The following EPB41L4A variants were observed in gnomAD, a reference collection of about 807,000 sequenced individuals.
EPB41L4A encodes the protein band 4.1-like protein 4A.
EPB41L4A carries 100 observed loss-of-function variants against 108.6 expected under a neutral mutation model. That is an observed-to-expected ratio of 0.92 (90% confidence interval 0.78 to 1.09). The LOEUF is 1.09. Ranked by LOEUF, EPB41L4A falls within the 50% of genes least tolerant of loss-of-function variation. The pLI, the probability that EPB41L4A is intolerant of heterozygous loss-of-function variation, is 0.00. For synonymous variants in EPB41L4A, 319 were observed against 289.0 expected (o/e 1.10, Z -1.05); for missense variants, 1,030 against 842.7 (o/e 1.22, Z -2.75).
intron 1 of EPB41L4A, among the ~76,000 whole-genome samples, chr5:112,376,016 A>G (rs998926179): frequency 7.9e-5 from 12 of 152,206 alleles, no homozygotes; most frequent in African/African-American, 2.9e-4. Context: ...AAATAAAAAC[A>G]AAAACCAATA....
chr5:112,357,723 G>A (rs148895023), intron 1 of EPB41L4A, among the ~76,000 whole-genome samples: 103 of 152,250 alleles, frequency 6.8e-4, no homozygotes, highest in African/African-American at 2.2e-3. Flanking sequence ...TGAATCATGG[G>A]GTAAAGGTTA....
chr5:112,167,935 G>A (rs1760350708), intron 22 of EPB41L4A, among the ~76,000 whole-genome samples: 2 of 152,172 alleles, frequency 1.3e-5, no homozygotes, highest in Admixed American at 6.5e-5. Flanking sequence ...CATTTTTATG[G>A]GATGAGAGTC....
At chr5:112,176,106 T>G (rs1365559367) in intron 18 of EPB41L4A, among the ~76,000 whole-genome samples, 1 of 152,180 alleles carries the variant, frequency 6.6e-6, no homozygotes, top group East Asian at 1.9e-4. Context: ...AACTAAGACC[T>G]GGGGGAACTT....
chr5:112,261,370 T>C (rs1751470893), intron 7 of EPB41L4A, among the ~76,000 whole-genome samples: 1 of 152,158 alleles, frequency 6.6e-6, no homozygotes, highest in African/African-American at 2.4e-5. Context: ...TTTATTAGGG[T>C]TCTTTAAAAA....
chr5:112,371,079 C>T (rs1759464848), intron 1 of EPB41L4A, among the ~76,000 whole-genome samples: 1 of 152,178 alleles, frequency 6.6e-6, no homozygotes, highest in African/African-American at 2.4e-5. Flanking sequence ...AAAAGACAAG[C>T]TTCCCATATT....
chr5:112,418,495 T>C (rs1486927102), intron 1 of EPB41L4A, among the ~76,000 whole-genome samples: 1 of 151,784 alleles, frequency 6.6e-6, no homozygotes, highest in Non-Finnish European at 1.5e-5. Context: ...CAATGACCCA[T>C]TAATGCGTTT....
intron 12 of EPB41L4A, among the ~76,000 whole-genome samples, chr5:112,231,256 T>C (rs996841758): frequency 3.3e-5 from 5 of 152,168 alleles, no homozygotes; most frequent in Non-Finnish European, 5.9e-5. Flanking sequence ...AACATATCCA[T>C]GAGGTATTAT....
At chr5:112,144,832 T>A (rs1034892389) in intron 13 of EPB41L4A, among the ~76,000 whole-genome samples, 2 of 152,166 alleles carry the variant, frequency 1.3e-5, no homozygotes, top group African/African-American at 4.8e-5. Context: ...TATGAATATG[T>A]AATCTTGTGC....
Position 112,271,332 on chromosome 5 carries a change from A to G in EPB41L4A, c.335+3994T>C, listed in dbSNP as rs536857291. ...TTTTAATCAATAATTTGAAAATATAAAACAATAACCATTATTTCCATGTCA... is the reference window on the plus strand; with the variant it reads ...TTTTAATCAATAATTTGAAAATATAGAACAATAACCATTATTTCCATGTCA... On this transcript the variant is annotated intron_variant, in intron 4 of 22. Transcript: ENST00000261486. Among the ~76,000 whole-genome samples, 179 of 152,334 alleles carry G rather than the reference A, an allele frequency of 1.2e-3. 1 individual carries two copies. The highest frequency in any genetic ancestry group is 6.8e-3 in the Middle Eastern group (2 of 294).
intron 12 of EPB41L4A, 127 bp from the exon 13 acceptor site, chr5:112,210,109 A>G (rs944703765): frequency 1.8e-5 from 10 of 566,308 alleles, no homozygotes; most frequent in African/African-American, 1.7e-4. Flanking sequence ...ATAAATTATA[A>G]CCCCAAATAA....
intron 9 of EPB41L4A, among the ~76,000 whole-genome samples, chr5:112,246,625 T>A (rs1421858545): frequency 6.6e-6 from 1 of 152,210 alleles, no homozygotes; most frequent in Non-Finnish European, 1.5e-5. Context: ...GTTAAAACTT[T>A]ACCATGGCAA....
intron 1 of EPB41L4A, among the ~76,000 whole-genome samples, chr5:112,377,931 T>A (rs1274278880): frequency 6.6e-6 from 1 of 152,120 alleles, no homozygotes; most frequent in East Asian, 1.9e-4. Flanking sequence ...AGGATACTAC[T>A]CTACAGCATA....
chr5:112,342,049 T>C (rs554230485), intron 1 of EPB41L4A, among the ~76,000 whole-genome samples: 2 of 152,320 alleles, frequency 1.3e-5, no homozygotes, highest in East Asian at 1.9e-4. Context: ...CGAAACATTA[T>C]GCAACTAGAA....
chr5:112,318,111 T>C (rs554736846), intron 1 of EPB41L4A, among the ~76,000 whole-genome samples: 1 of 152,248 alleles, frequency 6.6e-6, no homozygotes, highest in South Asian at 2.1e-4. Flanking sequence ...TGCCCACAGG[T>C]CACAGGGCTG....
At chr5:112,145,955 T>C (rs749073602) in exon 13 of EPB41L4A, 38 of 456,628 alleles carry the variant, frequency 8.3e-5, no homozygotes, top group Non-Finnish European at 1.6e-4. Flanking sequence ...CAAACTCAGA[T>C]TTCCAAGTTC....
At chr5:112,390,852 GA>G (rs903578132) in intron 1 of EPB41L4A, among the ~76,000 whole-genome samples, 63 of 152,284 alleles carry the variant, frequency 4.1e-4, no homozygotes, top group African/African-American at 1.4e-3. Flanking sequence ...GCTTCCAGAG[GA>G]AAGATCAAGC....
chr5:112,330,173 G>C (rs1244529983), intron 1 of EPB41L4A, among the ~76,000 whole-genome samples: 1 of 151,898 alleles, frequency 6.6e-6, no homozygotes, highest in African/African-American at 2.4e-5. Context: ...AATGGCTTAG[G>C]TGTACTCAGG....
At chr5:112,259,834 A>C in intron 8 of EPB41L4A, 57 bp downstream of exon 8, 2 of 1,220,496 alleles carry the variant, frequency 1.6e-6, no homozygotes, top group South Asian at 2.4e-5. Context: ...TCACTGACAC[A>C]GGAGTCCCAT....
In EPB41L4A at chr5:112,153,715, T is replaced by C. The variant is rs193084663; in HGVS notation, n.994+4686A>G. 5.9e-5 allele frequency among the ~76,000 whole-genome samples: 9 copies of C among 151,552 alleles called. No homozygotes were observed. The East Asian group carries it at 1.5e-3, about 26-fold the overall frequency. On this transcript the variant is annotated intron_variant and non_coding_transcript_variant, in intron 12 of 13. Transcript: ENST00000507810. Reference sequence around the variant, plus strand: ...TACAAATCAGTAAGGATATAGAAGATTGGAATAATATGGTTAATAAGCTAG... The same window carrying C: ...TACAAATCAGTAAGGATATAGAAGACTGGAATAATATGGTTAATAAGCTAG...
Sources: gnomAD v4.1 joint callset for allele counts (sites outside exome capture counted in the v4.1 genomes callset) on GRCh38, gnomAD v4.1.1 for gene constraint, MANE v1.5 for transcripts, NCBI Gene and HGNC (gene_info 2026-07-23, HGNC 2026-07-21) for gene names.